PSPC1: variants seen among roughly 807,000 people sequenced by gnomAD.
PSPC1 encodes the protein paraspeckle component 1, also known as paraspeckle protein 1.
PSPC1 carries 14 observed loss-of-function variants against 51.6 expected under a neutral mutation model. The observed-to-expected ratio is 0.27, with a 90% CI of 0.18 to 0.42. The LOEUF (loss-of-function observed/expected upper bound fraction) is 0.42. PSPC1 is among the 10% of genes least tolerant of loss of function. PSPC1 has a pLI of 1.00. For synonymous variants in PSPC1, 193 were observed against 231.9 expected (o/e 0.83, Z 1.53); for missense variants, 406 against 701.1 (o/e 0.58, Z 4.75).
intron 6 of PSPC1, among the ~76,000 whole-genome samples, chr13:19,710,533 T>C (rs1298292980): frequency 6.6e-6 from 1 of 152,238 alleles, no homozygotes; most frequent in Non-Finnish European, 1.5e-5. Context: ...ACTGTACTTT[T>C]GAAAAGCAAT....
intron 5 of PSPC1, among the ~76,000 whole-genome samples, chr13:19,735,907 C>T (rs927043505): frequency 6.7e-6 from 1 of 150,224 alleles, no homozygotes; most frequent in African/African-American, 2.5e-5. Flanking sequence ...CTGCAAGCTA[C>T]GCCTCCTGGG....
intron 6 of PSPC1, among the ~76,000 whole-genome samples, chr13:19,720,152 G>C (rs368245595): frequency 6.6e-6 from 1 of 152,048 alleles, no homozygotes; most frequent in East Asian, 1.9e-4. Flanking sequence ...AAAACAATGA[G>C]CAAGGATACC....
At chr13:19,709,092 G>A (rs1367829244) in intron 7 of PSPC1, among the ~76,000 whole-genome samples, 4 of 146,516 alleles carry the variant, frequency 2.7e-5, no homozygotes, top group Non-Finnish European at 5.9e-5. Flanking sequence ...CCAGGAAGTC[G>A]AGGTTTCAGC....
intron 4 of PSPC1, among the ~76,000 whole-genome samples, chr13:19,748,232 A>AG (rs1240493839): frequency 1.3e-5 from 2 of 151,860 alleles, no homozygotes; most frequent in Non-Finnish European, 2.9e-5. Flanking sequence ...AAAGAAAAAA[A>AG]AAAAGAAATA....
intron 3 of PSPC1, among the ~76,000 whole-genome samples, chr13:19,752,438 ATTTAT>A (rs1424409061): frequency 2.0e-5 from 3 of 152,084 alleles, no homozygotes; most frequent in African/African-American, 7.2e-5. Flanking sequence ...ATATGTAAAT[ATTTAT>A]TTTAGAGACA....
intron 2 of PSPC1, among the ~76,000 whole-genome samples, chr13:19,771,606 T>TTG (rs1466584116): frequency 6.6e-6 from 1 of 151,862 alleles, no homozygotes; most frequent in Non-Finnish European, 1.5e-5. Flanking sequence ...CAATTAATTT[T>TTG]TGTATTTTTA....
downstream of PSPC1, among the ~76,000 whole-genome samples, chr13:19,700,378 C>A (rs1879755294): frequency 6.6e-6 from 1 of 151,864 alleles, no homozygotes. Context: ...ATATTGTTCC[C>A]CTAATATTAT....
At chr13:19,722,876 A>C (rs1882941809) in intron 6 of PSPC1, among the ~76,000 whole-genome samples, 1 of 151,552 alleles carries the variant, frequency 6.6e-6, no homozygotes, top group African/African-American at 2.4e-5. Context: ...TTGGGAGGCC[A>C]AGGCAGGTGG....
At chr13:19,697,205 C>T (rs563717529) in intron 6 of PSPC1, among the ~76,000 whole-genome samples, 49 of 152,246 alleles carry the variant, frequency 3.2e-4, no homozygotes, top group African/African-American at 1.2e-3. Flanking sequence ...TAGGAACTTA[C>T]TAGAAATGAA....
At chr13:19,725,343 A>G (rs1278500814) in intron 6 of PSPC1, among the ~76,000 whole-genome samples, 1 of 152,232 alleles carries the variant, frequency 6.6e-6, no homozygotes, top group Non-Finnish European at 1.5e-5. Context: ...AATATGAGGT[A>G]CTGTGCTCAG....
Position 19,764,075 on chromosome 13 carries a change from T to A in PSPC1, c.675-4657A>T, listed in dbSNP as rs139465132. ...AAGTATTTCAGTGTTCTTTCAGGCT[T>A]GAAAATACTAAAATTTAAAGTGTTA... On this transcript the variant is annotated intron_variant, in intron 2 of 8. Coordinates refer to ENST00000338910, the MANE Select transcript of PSPC1 (RefSeq NM_001354909.2). 2.2e-3 allele frequency among the ~76,000 whole-genome samples: 334 copies of A among 152,116 alleles called. 1 individual carries two copies. The highest frequency in any genetic ancestry group is 6.0e-3 in the African/African-American group (247 of 41,510).
rs562121920 is a variant in PSPC1, at chr13:19,690,675, G to A, written c.1159-12852C>T. 5.9e-5 allele frequency among the ~76,000 whole-genome samples: 9 copies of A among 152,094 alleles called. No homozygotes were observed. The East Asian group carries it at 7.7e-4, about 13-fold the overall frequency. On this transcript the variant is annotated intron_variant and NMD_transcript_variant, in intron 6 of 7. Transcript: ENST00000471658. Reference sequence around the variant, plus strand: ...CCAATCAATACAAAGAACATACACCGTGATTTTAGTTCTAAATTTTATATT... The same window carrying A: ...CCAATCAATACAAAGAACATACACCATGATTTTAGTTCTAAATTTTATATT...
intron 5 of PSPC1, among the ~76,000 whole-genome samples, chr13:19,739,151 T>G (rs890929366): frequency 4.6e-5 from 7 of 152,204 alleles, no homozygotes; most frequent in African/African-American, 1.7e-4. Context: ...ATTAGTATTA[T>G]GATATCCAGT....
intron 6 of PSPC1, among the ~76,000 whole-genome samples, chr13:19,691,655 T>C (rs879652345): frequency 5.9e-5 from 9 of 151,832 alleles, no homozygotes; most frequent in African/African-American, 1.5e-4. Context: ...TGGTGAGTCA[T>C]TGCCTGTAAT....
At chr13:19,755,242 AAAAAGAAAAG>A (rs772810373) in intron 3 of PSPC1, among the ~76,000 whole-genome samples, 8 of 152,012 alleles carry the variant, frequency 5.3e-5, no homozygotes, top group East Asian at 1.9e-4. Flanking sequence ...TCTCAAAAAA[AAAAAGAAAAG>A]AAAAGAAAAG....
chr13:19,701,751 T>C (rs1879933140), downstream of PSPC1, among the ~76,000 whole-genome samples: 1 of 152,218 alleles, frequency 6.6e-6, no homozygotes, highest in South Asian at 2.1e-4. Flanking sequence ...TATTTTAAAA[T>C]AGCATATTAT....
At chr13:19,756,822 T>C (rs1221569789) in intron 3 of PSPC1, among the ~76,000 whole-genome samples, 1 of 151,976 alleles carries the variant, frequency 6.6e-6, no homozygotes, top group Non-Finnish European at 1.5e-5. Flanking sequence ...GGTTTGAATC[T>C]TCTGGAAACG....
chr13:19,735,978 G>A (rs541209323), intron 5 of PSPC1, among the ~76,000 whole-genome samples: 55 of 152,008 alleles, frequency 3.6e-4, no homozygotes, highest in Non-Finnish European at 5.3e-4. Flanking sequence ...CCGCCACCAC[G>A]TCCGGCTAAT....
intron 4 of PSPC1, among the ~76,000 whole-genome samples, chr13:19,746,002 G>A (rs897122645): frequency 1.5e-5 from 2 of 136,520 alleles, no homozygotes; most frequent in Non-Finnish European, 3.2e-5. Context: ...TATTTGTTTT[G>A]TTTTTTGTTT....
Sources: allele counts gnomAD v4.1 joint callset (sites outside exome capture counted in the v4.1 genomes callset), GRCh38; gene constraint gnomAD v4.1.1; transcripts MANE v1.5; gene names NCBI Gene and HGNC (gene_info 2026-07-23, HGNC 2026-07-21).